The following KIAA0319L variants were observed in gnomAD, a reference collection of about 807,000 sequenced individuals.
KIAA0319L encodes dyslexia-associated protein KIAA0319-like protein.
In KIAA0319L, 55 loss-of-function variants were observed where a neutral mutation model predicts 120.1. That is an observed-to-expected ratio of 0.46 (90% CI 0.37 to 0.57). The LOEUF is 0.57. Ranked by LOEUF, KIAA0319L falls within the 20% of genes least tolerant of loss-of-function variation. KIAA0319L has a pLI of 0.00. For synonymous variants in KIAA0319L, 398 were observed against 471.9 expected, an observed-to-expected ratio of 0.84 and a Z score of 2.03; for missense variants, 1,049 against 1,255.3, an observed-to-expected ratio of 0.84 and a Z score of 2.48.
intron 5 of KIAA0319L, among the ~76,000 whole-genome samples, chr1:35,473,290 G>A (rs1643753254): frequency 6.6e-6 from 1 of 150,948 alleles, no homozygotes; most frequent in Admixed American, 6.6e-5. Flanking sequence ...TAGAGATGGG[G>A]TTTCGCCACG....
chr1:35,493,333 G>A (rs1347460359), intron 3 of KIAA0319L, among the ~76,000 whole-genome samples: 9 of 151,932 alleles, frequency 5.9e-5, no homozygotes, highest in East Asian at 1.9e-4. Flanking sequence ...TACCTACTAT[G>A]TACGTACCCA....
chr1:35,468,200 T>G (rs1386517963), intron 6 of KIAA0319L, among the ~76,000 whole-genome samples: 1 of 152,150 alleles, frequency 6.6e-6, no homozygotes, highest in Non-Finnish European at 1.5e-5. Flanking sequence ...AAATACTAAT[T>G]GAACCACAAG....
rs767449634 is a variant in KIAA0319L at position 35,434,988 on chromosome 1, C to A, written c.3056G>T (p.Arg1019Leu). 4.3e-6 allele frequency: 7 copies of A among 1,614,066 alleles called. No individual in the cohort carries two copies. The South Asian group carries it at 7.7e-5, about 18-fold the overall frequency. Residue 1019 changes from arginine (R) to leucine (L), a missense_variant, in exon 21 of 21, where the codon CGA becomes CTA. Arg to Leu is a moderately radical substitution (Grantham distance 102, BLOSUM62 -2). Transcript: ENST00000325722. ...ACCATGCAGGAGTTTGCCCTTCTCT[C>A]GGTCTGGCCATGTAAAGATGGCATC... ...SDDAIFTWPD[R>L]EKGKLLHGQN...
chr1:35,435,989 A>G (rs1410297344), intron 20 of KIAA0319L, among the ~76,000 whole-genome samples: 1 of 152,186 alleles, frequency 6.6e-6, no homozygotes, highest in Non-Finnish European at 1.5e-5. Flanking sequence ...GCCCACGCCC[A>G]GGAGCTAACC....
At chr1:35,487,379 C>G (rs886858965) in intron 3 of KIAA0319L, among the ~76,000 whole-genome samples, 1 of 152,096 alleles carries the variant, frequency 6.6e-6, no homozygotes, top group Non-Finnish European at 1.5e-5. Context: ...CTCAGCCTCC[C>G]TAGTAGCTGG....
intron 7 of KIAA0319L, among the ~76,000 whole-genome samples, chr1:35,463,193 C>A (rs897800232): frequency 6.6e-5 from 10 of 152,310 alleles, no homozygotes; most frequent in Middle Eastern, 6.8e-3. Context: ...ATTGAAGCAT[C>A]ACCACACAGG....
chr1:35,457,831 GACAC>G (rs1183756896), intron 9 of KIAA0319L, among the ~76,000 whole-genome samples: 3 of 152,194 alleles, frequency 2.0e-5, no homozygotes, highest in African/African-American at 4.8e-5. Context: ...AAAAACCTCA[GACAC>G]ACAAACATGT....
chr1:35,500,822 G>A (rs1644978150), intron 3 of KIAA0319L, among the ~76,000 whole-genome samples: 1 of 152,172 alleles, frequency 6.6e-6, no homozygotes, highest in South Asian at 2.1e-4. Flanking sequence ...CAATGCACAA[G>A]GCAATCTTAC....
chr1:35,457,363 G>A (rs1570667687), intron 9 of KIAA0319L, among the ~76,000 whole-genome samples: 1 of 152,010 alleles, frequency 6.6e-6, no homozygotes. Flanking sequence ...ACATCACAAC[G>A]ATGGACATCC....
chr1:35,518,977 CAAAAA>C (rs766877681), intron 2 of KIAA0319L, among the ~76,000 whole-genome samples: 1 of 59,770 alleles, frequency 1.7e-5, no homozygotes. Flanking sequence ...GACTCTGTCT[CAAAAA>C]AAAAAAAAAA....
intron 6 of KIAA0319L, among the ~76,000 whole-genome samples, chr1:35,467,688 C>A (rs1643360447): frequency 6.6e-6 from 1 of 151,774 alleles, no homozygotes; most frequent in Non-Finnish European, 1.5e-5. Flanking sequence ...TACAATCATA[C>A]AATCTTTTTT....
chr1:35,555,697 CGAGT>C (rs751534928), intron 1 of KIAA0319L, among the ~76,000 whole-genome samples: 8 of 152,178 alleles, frequency 5.3e-5, no homozygotes, highest in Non-Finnish European at 1.0e-4. Context: ...CAAGAGGGAA[CGAGT>C]GAGTATGCAT....
intron 2 of KIAA0319L, among the ~76,000 whole-genome samples, chr1:35,526,630 A>G (rs1313133695): frequency 6.6e-6 from 1 of 151,844 alleles, no homozygotes; most frequent in Non-Finnish European, 1.5e-5. Context: ...AATTTTTTGT[A>G]GAGATGAGGT....
intron 20 of KIAA0319L, 94 bp downstream of exon 20, chr1:35,440,953 G>T: frequency 1.1e-6 from 1 of 943,644 alleles, no homozygotes; most frequent in Non-Finnish European, 1.7e-6. Context: ...AAGCACAGTG[G>T]GCTGTTAGTG....
At chr1:35,523,026 A>T (rs11805005) in intron 2 of KIAA0319L, among the ~76,000 whole-genome samples, 1,880 of 151,694 alleles carry the variant, frequency 0.012, 48 homozygotes, top group African/African-American at 0.042. Flanking sequence ...AAAAAAAAAA[A>T]AAAAAAAAAA....
At chr1:35,501,113 C>G (rs1379486924) in intron 3 of KIAA0319L, among the ~76,000 whole-genome samples, 1 of 152,164 alleles carries the variant, frequency 6.6e-6, no homozygotes, top group Non-Finnish European at 1.5e-5. Context: ...CCACAAAGGT[C>G]TTGAAATCCT....
chr1:35,526,837 G>A (rs1275280288), intron 2 of KIAA0319L, among the ~76,000 whole-genome samples: 3 of 152,028 alleles, frequency 2.0e-5, no homozygotes, highest in Admixed American at 1.3e-4. Context: ...AGGTCAAGAC[G>A]GAAGGATTGC....
chr1:35,462,772 G>C (rs1642987504), intron 7 of KIAA0319L, 59 bp from the exon 8 acceptor site: 2 of 1,286,512 alleles, frequency 1.6e-6, no homozygotes, highest in African/African-American at 1.5e-5. Flanking sequence ...ACAGGAGCAG[G>C]CTGTATCTGA....
intron 3 of KIAA0319L, among the ~76,000 whole-genome samples, chr1:35,488,888 G>T (rs746638933): frequency 1.1e-4 from 16 of 152,196 alleles, no homozygotes; most frequent in Non-Finnish European, 2.1e-4. Flanking sequence ...CATGGCTGAG[G>T]ATTAGATGTA....
Sources: allele counts gnomAD v4.1 joint callset (sites outside exome capture counted in the v4.1 genomes callset), GRCh38; gene constraint gnomAD v4.1.1; transcripts MANE v1.5; gene names NCBI Gene and HGNC (gene_info 2026-07-23, HGNC 2026-07-21).